The following PCMTD1 variants were observed in gnomAD, a reference collection of about 807,000 sequenced individuals.
PCMTD1 encodes the protein protein-L-isoaspartate O-methyltransferase domain-containing protein 1.
PCMTD1 carries 12 observed loss-of-function variants against 37.6 expected under a neutral mutation model. That is an observed-to-expected ratio of 0.32 (90% CI 0.20 to 0.52). The LOEUF (loss-of-function observed/expected upper bound fraction) is 0.52. Ranked by LOEUF, PCMTD1 falls within the 20% of genes least tolerant of loss-of-function variation. The pLI is 0.97. For synonymous variants in PCMTD1, 117 were observed against 135.8 expected, an observed-to-expected ratio of 0.86 and a Z score of 0.96; for missense variants, 235 against 421.3, an observed-to-expected ratio of 0.56 and a Z score of 3.87.
chr8:51,845,546 G>T, intron 3 of PCMTD1, 115 bp downstream of exon 3: 1 of 635,862 alleles, frequency 1.6e-6, no homozygotes. Context: ...ATGGTGCACT[G>T]ATTTTTGCTG....
At chr8:51,876,110 A>G in intron 1 of PCMTD1, among the ~76,000 whole-genome samples, 1 of 107,640 alleles carries the variant, frequency 9.3e-6, no homozygotes, top group East Asian at 2.5e-4. Context: ...TAATACAGAA[A>G]CTACTTAATC....
intron 5 of PCMTD1, 60 bp downstream of exon 5, chr8:51,831,384 A>G (rs2037996053): frequency 6.6e-7 from 1 of 1,504,886 alleles, no homozygotes; most frequent in African/African-American, 1.4e-5. Flanking sequence ...TTAAATCCCA[A>G]GCATAAAAGC....
At chr8:51,884,788 T>C (rs960780410) in intron 1 of PCMTD1, among the ~76,000 whole-genome samples, 2 of 152,206 alleles carry the variant, frequency 1.3e-5, no homozygotes, top group Non-Finnish European at 2.9e-5. Context: ...TATGGTATCC[T>C]AGAGGATAGA....
chr8:51,898,771 C>T (rs1042220116), intron 1 of PCMTD1, among the ~76,000 whole-genome samples, 159 bp downstream of exon 1: 5 of 151,306 alleles, frequency 3.3e-5, no homozygotes, highest in Non-Finnish European at 5.9e-5. Flanking sequence ...AGTTTCCTGG[C>T]CCCCGACCTG....
At chr8:51,890,339 CTAAAA>C (rs1292328413) in intron 1 of PCMTD1, among the ~76,000 whole-genome samples, 2 of 152,122 alleles carry the variant, frequency 1.3e-5, no homozygotes, top group Non-Finnish European at 2.9e-5. Flanking sequence ...TTCCTTGAAA[CTAAAA>C]TTAGAGTGAC....
intron 1 of PCMTD1, among the ~76,000 whole-genome samples, chr8:51,891,830 G>C (rs1423819709): frequency 6.6e-6 from 1 of 151,764 alleles, no homozygotes; most frequent in East Asian, 1.9e-4. Context: ...TGGATCTAAA[G>C]GAATCAAAGA....
intron 1 of PCMTD1, among the ~76,000 whole-genome samples, chr8:51,884,772 T>A (rs2038841409): frequency 6.6e-6 from 1 of 152,144 alleles, no homozygotes; most frequent in Non-Finnish European, 1.5e-5. Flanking sequence ...TCTATGAACA[T>A]CTTTCTATGG....
intron 1 of PCMTD1, among the ~76,000 whole-genome samples, chr8:51,875,619 A>G (rs2038700010): frequency 6.6e-6 from 1 of 152,236 alleles, no homozygotes; most frequent in African/African-American, 2.4e-5. Flanking sequence ...CAACATAAAT[A>G]AAAATTACAC....
chr8:51,853,372 G>C (rs2038337073), intron 2 of PCMTD1, among the ~76,000 whole-genome samples: 1 of 152,036 alleles, frequency 6.6e-6, no homozygotes, highest in African/African-American at 2.4e-5. Flanking sequence ...CTCAGCCTAG[G>C]GAAGACTTTG....
intron 2 of PCMTD1, among the ~76,000 whole-genome samples, chr8:51,850,998 C>T (rs1004297643): frequency 6.6e-6 from 1 of 152,060 alleles, no homozygotes; most frequent in Non-Finnish European, 1.5e-5. Context: ...AAGCAATCGG[C>T]GAAAGGCTAA....
chr8:51,836,745 T>C (rs902632530), intron 3 of PCMTD1, among the ~76,000 whole-genome samples: 69 of 152,324 alleles, frequency 4.5e-4, no homozygotes, highest in African/African-American at 1.6e-3. Context: ...ATTGTTTTAA[T>C]TTTTAAAATA....
At chr8:51,884,323 G>A (rs1343978152) in intron 1 of PCMTD1, among the ~76,000 whole-genome samples, 2 of 152,124 alleles carry the variant, frequency 1.3e-5, no homozygotes, top group African/African-American at 2.4e-5. Flanking sequence ...AGAGAATACC[G>A]GAAGCAAGCA....
At chr8:51,874,323 C>G (rs1051289453) in intron 1 of PCMTD1, among the ~76,000 whole-genome samples, 4 of 152,086 alleles carry the variant, frequency 2.6e-5, no homozygotes, top group Non-Finnish European at 5.9e-5. Flanking sequence ...GAACTTCCCC[C>G]ACCACCCCAC....
chr8:51,855,842 G>A (rs1191098098), intron 2 of PCMTD1, among the ~76,000 whole-genome samples: 1 of 151,890 alleles, frequency 6.6e-6, no homozygotes, highest in Non-Finnish European at 1.5e-5. Context: ...TGATGTGTGT[G>A]TATTATTAGT....
At chr8:51,831,867 T>A (rs781591863) in intron 4 of PCMTD1, among the ~76,000 whole-genome samples, 3 of 152,212 alleles carry the variant, frequency 2.0e-5, no homozygotes, top group Non-Finnish European at 1.5e-5. Context: ...AATCTATACA[T>A]GCCATTGCCT....
intron 2 of PCMTD1, among the ~76,000 whole-genome samples, chr8:51,850,425 TTTAAACTG>T (rs1268702182): frequency 2.0e-5 from 3 of 152,292 alleles, no homozygotes; most frequent in African/African-American, 7.2e-5. Flanking sequence ...TTTAATTTGA[TTTAAACTG>T]TAAATGCCTG....
At chr8:51,899,183 ATC>A, upstream of PCMTD1, 1 of 1,265,308 alleles carries the variant, frequency 7.9e-7, no homozygotes, top group African/African-American at 1.6e-5. Context: ...AGACGCCCCC[ATC>A]TGGCCCCGCC....
chr8:51,898,819 G>GCCGT (rs2039051377), intron 1 of PCMTD1, 111 bp downstream of exon 1: 1 of 1,072,972 alleles, frequency 9.3e-7, no homozygotes, highest in Non-Finnish European at 1.2e-6. Context: ...CTCTTCGGCT[G>GCCGT]CCGTCCCCCT....
At chr8:51,854,644 C>T (rs1426611048) in intron 2 of PCMTD1, among the ~76,000 whole-genome samples, 2 of 151,946 alleles carry the variant, frequency 1.3e-5, no homozygotes, top group East Asian at 3.9e-4. Flanking sequence ...TTTGGGAGCC[C>T]GAGGTGGGCA....
Sources: gnomAD v4.1 joint callset for allele counts (sites outside exome capture counted in the v4.1 genomes callset) on GRCh38, gnomAD v4.1.1 for gene constraint, MANE v1.5 for transcripts, NCBI Gene and HGNC (gene_info 2026-07-23, HGNC 2026-07-21) for gene names.